KIF2C: variants seen among roughly 807,000 people sequenced by gnomAD.
The protein encoded by KIF2C is kinesin family member 2C, also known as kinesin-like protein KIF2C.
KIF2C carries 34 observed loss-of-function variants against 97.4 expected under a neutral mutation model. That is an observed-to-expected ratio of 0.35 (90% CI 0.27 to 0.46). The LOEUF (loss-of-function observed/expected upper bound fraction) is 0.46, where lower values mean the gene tolerates loss of function less well. Ranked by LOEUF, KIF2C falls within the 20% of genes least tolerant of loss-of-function variation. The pLI, the probability that KIF2C is intolerant of heterozygous loss-of-function variation, is 1.00. For synonymous variants in KIF2C, 313 were observed against 318.2 expected, an observed-to-expected ratio of 0.98 and a Z score of 0.17; for missense variants, 750 against 907.6, an observed-to-expected ratio of 0.83 and a Z score of 2.23.
At chr1:44,752,065 C>T (rs1649554252) in intron 5 of KIF2C, among the ~76,000 whole-genome samples, 1 of 151,650 alleles carries the variant, frequency 6.6e-6, no homozygotes, top group South Asian at 2.1e-4. Flanking sequence ...CGTGATCCAC[C>T]CACCTCGGCC....
At chr1:44,764,455 G>A (rs967766068) in intron 19 of KIF2C, among the ~76,000 whole-genome samples, 14 of 152,036 alleles carry the variant, frequency 9.2e-5, no homozygotes, top group Non-Finnish European at 1.5e-5. Flanking sequence ...GGGATTACAG[G>A]TGTGAGCCAC....
At chr1:44,751,130 G>T (rs982285508) in intron 5 of KIF2C, among the ~76,000 whole-genome samples, 1 of 152,092 alleles carries the variant, frequency 6.6e-6, no homozygotes, top group Non-Finnish European at 1.5e-5. Context: ...TCCCCCAAGG[G>T]TACCCATAAT....
At position 44,767,697 on chromosome 1, in the gene KIF2C, G is replaced by A. The variant is rs1210576367; in HGVS notation, c.*518G>A. 6.2e-6 allele frequency: 1 copy of A among 160,234 alleles called. No homozygotes were observed. The highest frequency in any genetic ancestry group is 1.4e-5 in the Non-Finnish European group (1 of 72,330). The allele number at this position is 160,234 out of a possible 1,614,324, so 9.9% of individuals were successfully genotyped here. A position where few individuals can be genotyped will look rare whatever the true frequency, so the allele number is the denominator to read the frequency against. ...TCCTAGAGGATCCCTACTGTTTTCT[G>A]TTTTATGTGTTTATACATTGTATGT... On this transcript the variant is annotated 3_prime_UTR_variant, in exon 21 of 21. Transcript: ENST00000372224.
chr1:44,765,291 G>A (rs1437004659), intron 19 of KIF2C, among the ~76,000 whole-genome samples: 1 of 152,062 alleles, frequency 6.6e-6, no homozygotes, highest in African/African-American at 2.4e-5. Flanking sequence ...CAAAGGTGGT[G>A]TGTGCAGCAA....
At chr1:44,750,789 G>T (rs1649469922) in intron 5 of KIF2C, among the ~76,000 whole-genome samples, 1 of 152,168 alleles carries the variant, frequency 6.6e-6, no homozygotes, top group South Asian at 2.1e-4. Context: ...ATAGCATTGA[G>T]TATTTAGTTC....
Position 44,760,524 on chromosome 1 carries a change from T to A in KIF2C, c.1572+40T>A. 1 of 1,611,782 alleles carries A rather than the reference T, an allele frequency of 6.2e-7. No individual in the cohort carries two copies. The highest frequency in any genetic ancestry group is 8.5e-7 in the Non-Finnish European group (1 of 1,178,666). On this transcript the variant is annotated intron_variant, in intron 15 of 20. Transcript: ENST00000372224. The surrounding 1 kb of genome is among the most constrained non-coding windows in gnomAD (Gnocchi z 4.2). ...AGAGCTGGTTGGCCGGGAGAGCTAC[T>A]GGGAAGGGATGGGGAGGGATCAGTG...
intron 16 of KIF2C, 29 bp from the exon 17 acceptor site, chr1:44,761,887 G>T (rs1231057122): frequency 6.2e-7 from 1 of 1,611,560 alleles, no homozygotes; most frequent in South Asian, 1.1e-5. Context: ...GTGCCTCTCA[G>T]CCTTTAATCA....
chr1:44,749,536 G>T (rs558150128), intron 4 of KIF2C, among the ~76,000 whole-genome samples: 5 of 152,220 alleles, frequency 3.3e-5, no homozygotes, highest in African/African-American at 1.2e-4. Flanking sequence ...AAGATGGCTT[G>T]AACCTAGGAG....
intron 14 of KIF2C, among the ~76,000 whole-genome samples, chr1:44,759,554 G>A (rs1380029369): frequency 6.6e-6 from 1 of 152,142 alleles, no homozygotes; most frequent in Non-Finnish European, 1.5e-5. Context: ...CAGGCACAGT[G>A]GCTCACACCT....
In KIF2C at chr1:44,760,418, T is replaced by C. The variant is rs527587676; in HGVS notation, c.1506T>C (p.Thr502=). ...DLAGNERGAD[T]SSADRQTRME... ...CAGGGAATGAGCGAGGCGCGGACAC[T>C]TCCAGTGCTGACCGGCAGACCCGCA... Residue 502 remains threonine, a synonymous_variant, in exon 15 of 21, where the codon ACT becomes ACC. Coordinates refer to ENST00000372224, the MANE Select transcript of KIF2C (RefSeq NM_006845.4). The surrounding 1 kb of genome is among the most constrained non-coding windows in gnomAD (Gnocchi z 4.2). The C allele has an allele frequency of 6.2e-7, 1 of 1,614,226 alleles. No homozygotes were observed. The highest frequency in any genetic ancestry group is 1.7e-5 in the Admixed American group (1 of 60,022).
intron 13 of KIF2C, 142 bp from the exon 14 acceptor site, chr1:44,759,064 T>G (rs1428751547): frequency 2.9e-6 from 3 of 1,050,420 alleles, no homozygotes; most frequent in African/African-American, 1.6e-5. Flanking sequence ...TGACCTCTGC[T>G]AGGCTGACAT....
At chr1:44,758,403 C>T (rs1259096466) in intron 13 of KIF2C, among the ~76,000 whole-genome samples, 1 of 152,120 alleles carries the variant, frequency 6.6e-6, no homozygotes, top group Non-Finnish European at 1.5e-5. Context: ...CCTCCCTCGG[C>T]CGACCTCCTT....
At chr1:44,754,703 A>G (rs1359342005) in intron 7 of KIF2C, 47 bp from the exon 8 acceptor site, 1 of 1,092,252 alleles carries the variant, frequency 9.2e-7, no homozygotes, top group African/African-American at 1.5e-5. Flanking sequence ...GTCTGAGAGC[A>G]CTTATATCTT....
rs766808244 is a variant in KIF2C, at chr1:44,756,251, A to G, written c.977+14A>G. The G allele has an allele frequency of 1.9e-6, 3 of 1,612,028 alleles. No homozygotes were observed. Among genetic ancestry groups the G allele is most frequent in the South Asian group, 1.1e-5 (1 of 91,040 alleles). ...AGTTGTCTACAGGTTAGTCCCTTGC[A>G]TCCATTTTTCCCTCCTTGTGCCCTT... On this transcript the variant is annotated intron_variant, in intron 10 of 20. Coordinates refer to ENST00000372224, the MANE Select transcript of KIF2C (RefSeq NM_006845.4).
chr1:44,745,924 TGGA>T (rs1557589566), intron 2 of KIF2C, among the ~76,000 whole-genome samples: 1 of 152,170 alleles, frequency 6.6e-6, no homozygotes, highest in Non-Finnish European at 1.5e-5. Context: ...TCGCCCAGGC[TGGA>T]GTGCAGTGGC....
chr1:44,760,775 G>T lies in KIF2C; in HGVS notation c.1683+73G>T, dbSNP rs1650100458. ...GCTTTCCACAGAGACACTTAGTCCTGTCCCTGGGCTGGAAGCTCAGCACTG... is the reference window on the plus strand; with the variant it reads ...GCTTTCCACAGAGACACTTAGTCCTTTCCCTGGGCTGGAAGCTCAGCACTG... On this transcript the variant is annotated intron_variant, in intron 16 of 20. Transcript: ENST00000372224. This position sits in a 1 kb window ranked among gnomAD's most constrained non-coding sequence, Gnocchi z 4.2. 2 of 1,268,076 alleles carry T rather than the reference G, an allele frequency of 1.6e-6. No homozygotes were observed. Among genetic ancestry groups the T allele is most frequent in the South Asian group, 2.5e-5 (2 of 79,772 alleles). 78.6% of individuals were successfully genotyped at this position (1,268,076 alleles called of 1,614,324 possible). A position where few individuals can be genotyped will look rare whatever the true frequency, so the allele number is the denominator to read the frequency against.
rs375561958 is a variant in KIF2C, at chr1:44,751,821, C to CTTT, written c.439+1273_439+1275dup. ...ACTGCACCCGGCCCTCTTTTTATAC[C>CTTT]TTTTTTTTTTTTTTTTTTGAGATGG... On this transcript the variant is annotated intron_variant, in intron 5 of 20. Coordinates refer to ENST00000372224, the MANE Select transcript of KIF2C (RefSeq NM_006845.4). Among the ~76,000 whole-genome samples, 787 of 100,072 alleles carry CTTT rather than the reference C, an allele frequency of 7.9e-3. 65 individuals are homozygous for CTTT. The highest frequency in any genetic ancestry group is 0.021 in the African/African-American group (504 of 24,558). The allele number at this position is 100,072 out of a possible 152,430, so 65.7% of individuals were successfully genotyped here.
At chr1:44,758,191 A>G (rs371515435) in intron 13 of KIF2C, 51 bp downstream of exon 13, 202 of 1,541,954 alleles carry the variant, frequency 1.3e-4, no homozygotes, top group South Asian at 4.4e-4. Flanking sequence ...AGCACTTTTT[A>G]AAACCTTGAA....
chr1:44,752,066 C>T (rs1208143706), intron 5 of KIF2C, among the ~76,000 whole-genome samples: 1 of 151,364 alleles, frequency 6.6e-6, no homozygotes, highest in East Asian at 1.9e-4. Flanking sequence ...GTGATCCACC[C>T]ACCTCGGCCT....
Sources: allele counts gnomAD v4.1 joint callset (sites outside exome capture counted in the v4.1 genomes callset), GRCh38; gene constraint gnomAD v4.1.1; non-coding constraint Gnocchi (gnomAD v3.1); transcripts MANE v1.5; gene names NCBI Gene and HGNC (gene_info 2026-07-23, HGNC 2026-07-21).